Variants in WASHC2A observed in about 807,000 individuals in gnomAD.
WASHC2A encodes the protein WASH complex subunit 2A.
Under a neutral mutation model 140.3 loss-of-function variants are expected in WASHC2A, and 82 were observed. That is an observed-to-expected ratio of 0.58 (90% confidence interval 0.49 to 0.70). WASHC2A has a LOEUF of 0.70. Among genes scored for constraint, WASHC2A ranks in the 30% least tolerant of loss-of-function variants. The probability of loss-of-function intolerance (pLI) is 0.00; values close to 1 mark genes in which losing one functional copy is unlikely to be tolerated. For missense variants in WASHC2A, 985 were observed against 1,521.8 expected, an observed-to-expected ratio of 0.65 and a Z score of 5.87; for synonymous variants, 340 against 560.8, an observed-to-expected ratio of 0.61 and a Z score of 5.56.
chr10:50,110,654 A>G (rs1842205539), intron 20 of WASHC2A, among the ~76,000 whole-genome samples: 1 of 152,122 alleles, frequency 6.6e-6, no homozygotes, highest in South Asian at 2.1e-4. Context: ...GCACTTTGGG[A>G]GGCCGAGGTG....
intron 6 of WASHC2A, among the ~76,000 whole-genome samples, chr10:50,084,897 G>A (rs1319168092): frequency 7.1e-6 from 1 of 141,636 alleles, no homozygotes; most frequent in Non-Finnish European, 1.5e-5. Flanking sequence ...CACCACACCT[G>A]GCTAATTTTT....
In WASHC2A at chr10:50,080,099, G is replaced by A. The variant is rs1233173682; in HGVS notation, c.355-659G>A. Among the ~76,000 whole-genome samples, 53 of 152,240 alleles carry A rather than the reference G, an allele frequency of 3.5e-4. 1 individual carries two copies. Among genetic ancestry groups the A allele is most frequent in the Admixed American group, 3.5e-3 (53 of 15,304 alleles). On this transcript the variant is annotated intron_variant, in intron 4 of 30. Transcript: ENST00000282633. ...GTATTTCTCACAATGGCACACTTGT[G>A]TCTGCGGGGACTGCCATTGAGAACT...
chr10:50,072,481 CTTTTTTTTTT>C (rs11440968), intron 3 of WASHC2A, among the ~76,000 whole-genome samples: 3 of 90,628 alleles, frequency 3.3e-5, no homozygotes, highest in Non-Finnish European at 5.9e-5. Flanking sequence ...AGTGATCTGG[CTTTTTTTTTT>C]TTTTTTTTTT....
chr10:50,132,697 A>G, intron 30 of WASHC2A, 109 bp from the exon 31 acceptor site: 4 of 1,600,616 alleles, frequency 2.5e-6, no homozygotes, highest in Non-Finnish European at 3.4e-6. Context: ...GTTTTAGGGT[A>G]CTCCATGCTG....
At chr10:50,106,532 A>G (rs1554888648) in intron 19 of WASHC2A, 67 bp downstream of exon 19, 2 of 1,597,462 alleles carry the variant, frequency 1.3e-6, no homozygotes, top group African/African-American at 1.4e-5. Context: ...AAGCCATCCC[A>G]AGTCTTTTTC....
At chr10:50,101,523 T>A (rs1279972965) in intron 17 of WASHC2A, among the ~76,000 whole-genome samples, 5 of 152,260 alleles carry the variant, frequency 3.3e-5, no homozygotes, top group African/African-American at 1.2e-4. Flanking sequence ...GTACGTGCCA[T>A]GAGGGCAGGA....
chr10:50,124,802 A>G (rs1233982321), intron 23 of WASHC2A, among the ~76,000 whole-genome samples: 1 of 151,372 alleles, frequency 6.6e-6, no homozygotes, highest in Non-Finnish European at 1.5e-5. Flanking sequence ...TTCTAATAAA[A>G]AATTTAGATA....
At chr10:50,125,470 A>G (rs1227640868) in intron 25 of WASHC2A, 21 bp downstream of exon 25, 17 of 1,605,158 alleles carry the variant, frequency 1.1e-5, no homozygotes, top group Non-Finnish European at 1.4e-5. Context: ...TTTGTTCTCA[A>G]TACTGGGTTG....
Position 50,068,142 on chromosome 10 carries a change from C to A in WASHC2A, c.41C>A (p.Ala14Glu), listed in dbSNP as rs1837450621. Residue 14 changes from alanine to glutamate, a missense_variant, in exon 2 of 31, where the codon GCG (alanine) becomes GAG (glutamate). Physicochemically the swap from Ala to Glu is moderately radical, Grantham distance 107. Transcript: ENST00000282633. The stretch of plus-strand genomic sequence containing the variant: ...ACCCCCGACCAGGAGCTGGCGCCAG[C>A]GTCGGAGCCCGTGTGGGAGCGGCCG... ...RTTPDQELAP[A>E]SEPVWERPWS... 1 of 1,601,536 alleles carries A rather than the reference C, an allele frequency of 6.2e-7. No homozygotes were observed. Among genetic ancestry groups the A allele is most frequent in the Admixed American group, 1.7e-5 (1 of 59,550 alleles).
chr10:50,119,984 C>A lies in WASHC2A; in HGVS notation c.2478+215C>A, dbSNP rs1260634685. Among the ~76,000 whole-genome samples, 8 of 137,398 alleles carry A rather than the reference C, an allele frequency of 5.8e-5. 2 individuals carry two copies. Among genetic ancestry groups the A allele is most frequent in the African/African-American group, 1.5e-4 (5 of 34,160 alleles). The allele number at this position is 137,398 out of a possible 152,430, so 90.1% of individuals were successfully genotyped here. A position where few individuals can be genotyped will look rare whatever the true frequency, so the allele number is the denominator to read the frequency against. On this transcript the variant is annotated intron_variant, in intron 23 of 30. Transcript: ENST00000282633. Reference sequence around the variant, plus strand: ...GATAGGGGATTAGAATTTCACCCCCCCTCTTCTGGGATTTACAGACCTTGT... The same window carrying A: ...GATAGGGGATTAGAATTTCACCCCCACTCTTCTGGGATTTACAGACCTTGT...
chr10:50,098,402 G>A (rs1840713612), intron 16 of WASHC2A, among the ~76,000 whole-genome samples: 1 of 150,114 alleles, frequency 6.7e-6, no homozygotes, highest in African/African-American at 2.4e-5. Flanking sequence ...TAAGGAGAGT[G>A]CAACCTGCAA....
In WASHC2A at chr10:50,130,983, A is replaced by T; in HGVS notation, c.3791A>T (p.Asp1264Val). 5 of 1,610,264 alleles carry T rather than the reference A, an allele frequency of 3.1e-6. No individual in the cohort carries two copies. Among genetic ancestry groups the T allele is most frequent in the Non-Finnish European group, 4.2e-6 (5 of 1,178,780 alleles). Residue 1264 changes from aspartate (D) to valine (V), a missense_variant, in exon 30 of 31, where the codon GAT becomes GTT. Transcript: ENST00000282633. ...AAAACATTGGAATCTAATTTATTTG[A>T]TGATAACATTGATATCTTTGCTGAC... ...KEKTLESNLF[D>V]DNIDIFADLT...
chr10:50,113,575 G>GGA (rs1179115735), intron 20 of WASHC2A, among the ~76,000 whole-genome samples: 1 of 151,422 alleles, frequency 6.6e-6, no homozygotes, highest in Non-Finnish European at 1.5e-5. Flanking sequence ...ATAGGAAGTG[G>GGA]GAGAGAATGT....
intron 30 of WASHC2A, among the ~76,000 whole-genome samples, chr10:50,132,252 T>C (rs1015538075): frequency 2.6e-5 from 4 of 152,252 alleles, no homozygotes; most frequent in African/African-American, 9.6e-5. Context: ...TAAATCATGG[T>C]TGGATAAAAC....
intron 23 of WASHC2A, among the ~76,000 whole-genome samples, chr10:50,121,369 T>C (rs61843910): frequency 0.23 from 34,542 of 147,548 alleles, 4,899 homozygotes; most frequent in East Asian, 0.49. Flanking sequence ...ATTTACTAAC[T>C]TACAAAAGTT....
intron 16 of WASHC2A, among the ~76,000 whole-genome samples, chr10:50,098,656 G>T (rs2132659943): frequency 9.1e-6 from 1 of 110,428 alleles, no homozygotes; most frequent in East Asian, 2.5e-4. Flanking sequence ...TCAGGATTTG[G>T]ACAGTGTGTC....
intron 30 of WASHC2A, among the ~76,000 whole-genome samples, 194 bp from the exon 31 acceptor site, chr10:50,132,612 C>T (rs1436574884): frequency 6.6e-6 from 1 of 152,138 alleles, no homozygotes; most frequent in Non-Finnish European, 1.5e-5. Context: ...CCAAGAGAAA[C>T]CTGTGTGTGA....
At chr10:50,111,755 C>T (rs1263977953) in intron 20 of WASHC2A, among the ~76,000 whole-genome samples, 7 of 152,200 alleles carry the variant, frequency 4.6e-5, no homozygotes, top group African/African-American at 9.6e-5. Flanking sequence ...CCCGGCTGGG[C>T]GCAGTGGCTC....
At chr10:50,132,564 G>A (rs1348646393) in intron 30 of WASHC2A, among the ~76,000 whole-genome samples, 2 of 152,296 alleles carry the variant, frequency 1.3e-5, no homozygotes, top group African/African-American at 4.8e-5. Flanking sequence ...TCCTACACAC[G>A]CACATACATA....
Sources: allele counts gnomAD v4.1 joint callset (sites outside exome capture counted in the v4.1 genomes callset), GRCh38; gene constraint gnomAD v4.1.1; transcripts MANE v1.5; gene names NCBI Gene and HGNC (gene_info 2026-07-23, HGNC 2026-07-21).